Variants in IQSEC1 observed in about 807,000 individuals in gnomAD.
IQSEC1 encodes the protein IQ motif and SEC7 domain-containing protein 1.
IQSEC1 carries 31 observed loss-of-function variants against 91.0 expected under a neutral mutation model. The ratio of observed to expected loss-of-function variants is 0.34; its 90% CI spans 0.26 to 0.46. IQSEC1 has a LOEUF of 0.46. IQSEC1 is among the 20% of genes least tolerant of loss of function. The pLI, the probability that IQSEC1 is intolerant of heterozygous loss-of-function variation, is 1.00. For missense variants in IQSEC1, 1,388 were observed against 1,575.6 expected, an observed-to-expected ratio of 0.88 and a Z score of 2.02; for synonymous variants, 699 against 662.6, an observed-to-expected ratio of 1.05 and a Z score of -0.84.
intron 1 of IQSEC1, among the ~76,000 whole-genome samples, chr3:13,171,240 G>C (rs1254016335): frequency 6.6e-6 from 1 of 152,206 alleles, no homozygotes; most frequent in Non-Finnish European, 1.5e-5. Context: ...GGAAACTGAG[G>C]CTTAGACAGA....
rs142980686 is a variant in IQSEC1 at position 13,093,493 on chromosome 3, G to A, written c.303-45971C>T. On this transcript the variant is annotated intron_variant, in intron 2 of 15. Transcript: ENST00000648114. The stretch of plus-strand genomic sequence containing the variant: ...ACCTCCTGCCATGCGCAGACGAGGG[G>A]CTTCATCCAAGTAACTGGTCCCTGT... Among the ~76,000 whole-genome samples the A allele has an allele frequency of 5.1e-4, 78 of 152,266 alleles. No homozygotes were observed. In the East Asian group the frequency reaches 0.015, roughly 29 times the overall value.
At chr3:13,120,553 T>C (rs1005105620) in intron 2 of IQSEC1, among the ~76,000 whole-genome samples, 2 of 152,118 alleles carry the variant, frequency 1.3e-5, no homozygotes, top group African/African-American at 4.8e-5. Flanking sequence ...TTCTTCCTCT[T>C]CCCCGAGGAG....
chr3:13,194,117 C>A (rs114706790), intron 1 of IQSEC1, among the ~76,000 whole-genome samples: 137 of 152,292 alleles, frequency 9.0e-4, no homozygotes, highest in African/African-American at 3.2e-3. Context: ...AGGGCCACCA[C>A]CACGAGCTCA....
intron 2 of IQSEC1, among the ~76,000 whole-genome samples, chr3:13,153,091 C>T (rs553057529): frequency 5.3e-5 from 8 of 151,348 alleles, no homozygotes; most frequent in East Asian, 2.0e-4. Context: ...CTCTCCCCTC[C>T]TTCTCCCCTC....
At chr3:13,098,633 C>G (rs1706004511) in intron 2 of IQSEC1, among the ~76,000 whole-genome samples, 2 of 152,076 alleles carry the variant, frequency 1.3e-5, no homozygotes, top group Admixed American at 6.6e-5. Context: ...AGTGGAAAGG[C>G]TCTGAGCTAG....
chr3:13,069,050 C>T (rs71306038), intron 1 of IQSEC1, among the ~76,000 whole-genome samples: 2 of 152,268 alleles, frequency 1.3e-5, no homozygotes, highest in Non-Finnish European at 2.9e-5. Context: ...CCCAGTCTTT[C>T]TGAGTTATAA....
chr3:13,225,507 A>G (rs1024714205), intron 1 of IQSEC1, among the ~76,000 whole-genome samples: 3 of 152,218 alleles, frequency 2.0e-5, no homozygotes, highest in Admixed American at 2.0e-4. Context: ...ATAGGACTCA[A>G]CAAGCATACA....
chr3:12,935,392 G>A lies in IQSEC1; in HGVS notation c.1568+56C>T, dbSNP rs947555069. ...TGGAAGGATGCAGCCACGCCCACCC[G>A]CCAAGGCCCAGCAAGCCACAGCTGC... On this transcript the variant is annotated intron_variant, in intron 3 of 13. Transcript: ENST00000613206. This position sits in a 1 kb window ranked among gnomAD's most constrained non-coding sequence, Gnocchi z 8.0. 5.0e-5 allele frequency: 77 copies of A among 1,540,752 alleles called. No individual in the cohort carries two copies. Among genetic ancestry groups the A allele is most frequent in the Non-Finnish European group, 5.9e-5 (67 of 1,131,864 alleles).
At position 12,903,456 on chromosome 3, in the gene IQSEC1, G is replaced by A. The variant is rs892184547; in HGVS notation, c.2756-634C>T. On this transcript the variant is annotated intron_variant, in intron 12 of 13. Transcript: ENST00000613206. Reference sequence around the variant, plus strand: ...ACAGGGTTGGGGACTGCCGGAAACCGCCTTCCAGCTTGGGATTCCTCTGCT... The same window carrying A: ...ACAGGGTTGGGGACTGCCGGAAACCACCTTCCAGCTTGGGATTCCTCTGCT... 8.5e-5 allele frequency among the ~76,000 whole-genome samples: 13 copies of A among 152,224 alleles called. No homozygotes were observed. The East Asian group carries it at 1.3e-3, about 16-fold the overall frequency.
At chr3:13,277,327 G>T (rs981520059) in intron 1 of IQSEC1, among the ~76,000 whole-genome samples, 3 of 152,084 alleles carry the variant, frequency 2.0e-5, no homozygotes, top group African/African-American at 7.2e-5. Context: ...GCCAGGTGCA[G>T]CGAGCCTGAA....
intron 1 of IQSEC1, among the ~76,000 whole-genome samples, chr3:13,186,864 G>A (rs1693942808): frequency 6.6e-6 from 1 of 152,162 alleles, no homozygotes; most frequent in African/African-American, 2.4e-5. Flanking sequence ...CCCCAGAGGA[G>A]GCATCCCACA....
intron 2 of IQSEC1, among the ~76,000 whole-genome samples, chr3:13,130,829 C>T (rs1344236792): frequency 6.6e-6 from 1 of 151,640 alleles, no homozygotes; most frequent in African/African-American, 2.4e-5. Context: ...GTGGCACATG[C>T]CTGTAGTCCC....
intron 1 of IQSEC1, among the ~76,000 whole-genome samples, chr3:13,257,781 A>G (rs1405368135): frequency 3.3e-5 from 5 of 152,124 alleles, no homozygotes; most frequent in Non-Finnish European, 7.4e-5. Flanking sequence ...ACAAAACTAC[A>G]TACGCCCCTG....
chr3:13,148,805 G>A (rs1051604640), intron 2 of IQSEC1, among the ~76,000 whole-genome samples: 1 of 152,280 alleles, frequency 6.6e-6, no homozygotes, highest in Non-Finnish European at 1.5e-5. Context: ...ATGAGGACAC[G>A]TCAGGCTAGC....
At chr3:13,200,995 T>A (rs1232787571) in intron 1 of IQSEC1, among the ~76,000 whole-genome samples, 1 of 152,168 alleles carries the variant, frequency 6.6e-6, no homozygotes, top group Non-Finnish European at 1.5e-5. Context: ...CCATTCCTAG[T>A]CCCTGAGCCC....
At chr3:12,978,897 G>C (rs558595634) in intron 1 of IQSEC1, among the ~76,000 whole-genome samples, 1 of 152,124 alleles carries the variant, frequency 6.6e-6, no homozygotes, top group Non-Finnish European at 1.5e-5. Context: ...GGAATTCACC[G>C]GGTGGCCCAG....
At chr3:12,954,862 C>T (rs1189821700) in intron 1 of IQSEC1, among the ~76,000 whole-genome samples, 4 of 152,190 alleles carry the variant, frequency 2.6e-5, no homozygotes, top group Non-Finnish European at 5.9e-5. Context: ...CAGGATGCCC[C>T]GCAGTCAGGA....
intron 1 of IQSEC1, among the ~76,000 whole-genome samples, chr3:13,001,762 T>C (rs1702432781): frequency 6.6e-6 from 1 of 152,234 alleles, no homozygotes; most frequent in Non-Finnish European, 1.5e-5. Flanking sequence ...AATCATTTCT[T>C]TAACAAGTAG....
chr3:12,968,048 C>G (rs931232392), intron 1 of IQSEC1, among the ~76,000 whole-genome samples: 1 of 152,192 alleles, frequency 6.6e-6, no homozygotes, highest in African/African-American at 2.4e-5. Context: ...TTGCGCAGCC[C>G]CTCCAACACT....
Sources: gnomAD v4.1 joint callset for allele counts (sites outside exome capture counted in the v4.1 genomes callset) on GRCh38, gnomAD v4.1.1 for gene constraint, Gnocchi (gnomAD v3.1) non-coding constraint, MANE v1.5 for transcripts, NCBI Gene and HGNC (gene_info 2026-07-23, HGNC 2026-07-21) for gene names.